TMEM132D: variants seen among roughly 807,000 people sequenced by gnomAD.
TMEM132D encodes the protein mature OL transmembrane protein.
TMEM132D carries 21 observed loss-of-function variants against 62.3 expected under a neutral mutation model. The ratio of observed to expected loss-of-function variants is 0.34; its 90% CI spans 0.24 to 0.49. The LOEUF is 0.49. Among genes scored for constraint, TMEM132D ranks in the 20% least tolerant of loss-of-function variants. The pLI is 0.99. For synonymous variants in TMEM132D, 621 were observed against 575.6 expected, an observed-to-expected ratio of 1.08 and a Z score of -1.13; for missense variants, 1,346 against 1,402.8, an observed-to-expected ratio of 0.96 and a Z score of 0.65.
intron 5 of TMEM132D, chr12:129,109,667 C>T: frequency 6.2e-6 from 1 of 161,282 alleles, no homozygotes; most frequent in Non-Finnish European, 1.3e-5. Flanking sequence ...TCTGCTTTTG[C>T]TTCCTCCTCA....
chr12:129,578,440 A>T (rs1366047984), intron 2 of TMEM132D, among the ~76,000 whole-genome samples: 1 of 102,400 alleles, frequency 9.8e-6, no homozygotes, highest in Non-Finnish European at 2.1e-5. Context: ...ATATATATGT[A>T]TGTATATATA....
intron 1 of TMEM132D, among the ~76,000 whole-genome samples, chr12:129,797,448 C>T (rs944600077): frequency 2.6e-5 from 4 of 152,210 alleles, no homozygotes; most frequent in South Asian, 2.1e-4. Flanking sequence ...AGGGACCTGC[C>T]GGGCTCAGCC....
intron 3 of TMEM132D, 25 bp downstream of exon 3, chr12:129,531,034 A>T (rs960341444): frequency 6.3e-7 from 1 of 1,589,138 alleles, no homozygotes; most frequent in Non-Finnish European, 8.6e-7. Context: ...TGATCTGAAT[A>T]TATCGGAGGC....
chr12:129,707,214 ATATAT>A (rs1339732572), intron 1 of TMEM132D, among the ~76,000 whole-genome samples: 3 of 148,106 alleles, frequency 2.0e-5, no homozygotes, highest in Non-Finnish European at 4.5e-5. Flanking sequence ...ATATAATAGT[ATATAT>A]TATATATGTA....
At chr12:129,089,495 C>T (rs1193526143) in intron 5 of TMEM132D, among the ~76,000 whole-genome samples, 1 of 19,936 alleles carries the variant, frequency 5.0e-5, no homozygotes, top group Non-Finnish European at 8.2e-5. Flanking sequence ...CCTCCATGAC[C>T]GGGTGTCCTC....
intron 3 of TMEM132D, among the ~76,000 whole-genome samples, chr12:129,404,342 G>T (rs1593366702): frequency 6.6e-6 from 1 of 151,946 alleles, no homozygotes; most frequent in South Asian, 2.1e-4. Context: ...GGGACTACAG[G>T]CACCCACCAC....
At chr12:129,802,880 G>A (rs1375296922) in intron 1 of TMEM132D, among the ~76,000 whole-genome samples, 2 of 151,486 alleles carry the variant, frequency 1.3e-5, no homozygotes, top group African/African-American at 2.4e-5. Flanking sequence ...AAAGGCAAGG[G>A]TTGCAATCCT....
chr12:129,276,303 A>G (rs1881006700), intron 4 of TMEM132D, among the ~76,000 whole-genome samples: 1 of 152,240 alleles, frequency 6.6e-6, no homozygotes, highest in Admixed American at 6.5e-5. Flanking sequence ...AGCAGCTTTC[A>G]TGGGAAACTC....
chr12:129,406,593 C>T (rs556330412), intron 3 of TMEM132D, among the ~76,000 whole-genome samples: 129 of 149,848 alleles, frequency 8.6e-4, no homozygotes, highest in African/African-American at 3.0e-3. Flanking sequence ...GCACTCCAGC[C>T]TGGGCAACAG....
intron 3 of TMEM132D, among the ~76,000 whole-genome samples, chr12:129,480,475 G>T (rs778753389): frequency 5.3e-5 from 8 of 152,326 alleles, no homozygotes; most frequent in Non-Finnish European, 1.0e-4. Flanking sequence ...GGCGGTCCTT[G>T]GTCATCCGGG....
intron 4 of TMEM132D, among the ~76,000 whole-genome samples, chr12:129,311,174 G>A (rs1359767479): frequency 1.4e-5 from 1 of 71,954 alleles, no homozygotes; most frequent in Non-Finnish European, 2.1e-5. Context: ...CTCCAGCCTG[G>A]GCGACAGAGC....
intron 1 of TMEM132D, among the ~76,000 whole-genome samples, chr12:129,834,575 G>C (rs1389190036): frequency 6.6e-6 from 1 of 152,110 alleles, no homozygotes; most frequent in Non-Finnish European, 1.5e-5. Flanking sequence ...CTGGAATAAA[G>C]CCGCTTTCCT....
intron 5 of TMEM132D, among the ~76,000 whole-genome samples, chr12:129,146,926 G>A (rs1876915664): frequency 2.0e-5 from 3 of 152,084 alleles, no homozygotes; most frequent in South Asian, 2.1e-4. Context: ...TGAAGAAACT[G>A]GCCAAAGGTC....
chr12:129,745,368 G>T (rs926152297), intron 1 of TMEM132D, among the ~76,000 whole-genome samples: 2 of 152,150 alleles, frequency 1.3e-5, no homozygotes, highest in African/African-American at 2.4e-5. Flanking sequence ...ATGCGGATGT[G>T]GTCATTGTTA....
At chr12:129,760,295 A>C (rs1870310518) in intron 1 of TMEM132D, among the ~76,000 whole-genome samples, 1 of 150,578 alleles carries the variant, frequency 6.6e-6, no homozygotes, top group South Asian at 2.1e-4. Flanking sequence ...GTCTTAGTGC[A>C]ACAGACAGAA....
intron 1 of TMEM132D, among the ~76,000 whole-genome samples, chr12:129,727,316 G>A (rs1869072297): frequency 1.3e-5 from 2 of 152,210 alleles, no homozygotes; most frequent in Non-Finnish European, 2.9e-5. Context: ...TAACATGGTG[G>A]AAGGGCAAGA....
intron 1 of TMEM132D, among the ~76,000 whole-genome samples, chr12:129,864,660 G>A (rs1874003128): frequency 6.6e-6 from 1 of 152,218 alleles, no homozygotes; most frequent in Non-Finnish European, 1.5e-5. Flanking sequence ...TGGCACTGAT[G>A]TTGGGTCCCT....
intron 3 of TMEM132D, among the ~76,000 whole-genome samples, chr12:129,512,507 T>C (rs1162384321): frequency 6.6e-6 from 1 of 152,188 alleles, no homozygotes; most frequent in South Asian, 2.1e-4. Context: ...TTCTAAGTCA[T>C]AAACCCAGCA....
At position 129,827,384 on chromosome 12, in the gene TMEM132D, G is replaced by A. The variant is rs1205899157; in HGVS notation, c.79+75877C>T. The stretch of plus-strand genomic sequence containing the variant: ...CCCCCAGGCAGAACTCTGGAGCACT[G>A]GCTAAAAACTGTAAGCAGCTGAACC... On this transcript the variant is annotated intron_variant, in intron 1 of 8. Coordinates refer to ENST00000422113, the MANE Select transcript of TMEM132D (RefSeq NM_133448.3). The surrounding 1 kb of genome is among the most constrained non-coding windows in gnomAD (Gnocchi z 9.7). Among the ~76,000 whole-genome samples, 9 of 152,130 alleles carry A rather than the reference G, an allele frequency of 5.9e-5. No homozygotes were observed. The highest frequency in any genetic ancestry group is 1.2e-4 in the Non-Finnish European group (8 of 68,026).
Sources: gnomAD v4.1 joint callset for allele counts (sites outside exome capture counted in the v4.1 genomes callset) on GRCh38, gnomAD v4.1.1 for gene constraint, Gnocchi (gnomAD v3.1) non-coding constraint, MANE v1.5 for transcripts, NCBI Gene and HGNC (gene_info 2026-07-23, HGNC 2026-07-21) for gene names.